FRY: variants seen among roughly 807,000 people sequenced by gnomAD.
FRY encodes the protein protein furry homolog.
FRY carries 128 observed loss-of-function variants against 348.4 expected under a neutral mutation model. The observed-to-expected ratio is 0.37, with a 90% CI of 0.32 to 0.43. FRY has a LOEUF of 0.43. Among genes scored for constraint, FRY ranks in the 20% least tolerant of loss-of-function variants. The pLI is 1.00. For missense variants in FRY, 2,736 were observed against 3,695.2 expected (o/e 0.74, Z 6.73); for synonymous variants, 1,370 against 1,374.7 (o/e 1.00, Z 0.08).
At position 32,152,663 on chromosome 13, in the gene FRY, A is replaced by G. The variant is rs115536630; in HGVS notation, c.1480-2828A>G. 6.2e-3 allele frequency among the ~76,000 whole-genome samples: 944 copies of G among 152,304 alleles called. 9 individuals are homozygous for G. The highest frequency in any genetic ancestry group is 0.021 in the African/African-American group (890 of 41,584). On this transcript the variant is annotated intron_variant, in intron 14 of 60. Coordinates refer to ENST00000542859, the MANE Select transcript of FRY (RefSeq NM_023037.3). ...ATCATAAACCTAAAGGTAAAATCTG[A>G]TACTATAAATCTTCCAGAAGAAAAG... is the stretch of plus-strand genomic sequence containing the variant.
Position 32,184,790 on chromosome 13 carries a change from T to C in FRY, c.3146+99T>C, listed in dbSNP as rs1459372248. 1.1e-5 allele frequency: 11 copies of C among 992,216 alleles called. No homozygotes were observed. The African/African-American group carries it at 1.6e-4, about 14-fold the overall frequency. 61.5% of individuals were successfully genotyped at this position (992,216 alleles called of 1,614,324 possible). On this transcript the variant is annotated intron_variant, in intron 25 of 60. Transcript: ENST00000542859. The stretch of plus-strand genomic sequence containing the variant: ...TTTGTCTTTTCTTTGTTTTTAAATA[T>C]AATACCCTTAACTTAGAAAAATCCA...
intron 3 of FRY, among the ~76,000 whole-genome samples, chr13:32,105,742 G>A (rs1176486721): frequency 1.3e-5 from 2 of 152,082 alleles, no homozygotes; most frequent in Non-Finnish European, 2.9e-5. Flanking sequence ...TATGCTAAGT[G>A]CATCCTTTGA....
intron 59 of FRY, among the ~76,000 whole-genome samples, chr13:32,291,051 G>C (rs2138651707): frequency 6.6e-6 from 1 of 152,118 alleles, no homozygotes; most frequent in Non-Finnish European, 1.5e-5. Context: ...GTGAGGTCAG[G>C]GGAGAGATCT....
intron 11 of FRY, among the ~76,000 whole-genome samples, chr13:32,140,542 T>C (rs1368353483): frequency 6.6e-6 from 1 of 152,094 alleles, no homozygotes; most frequent in Non-Finnish European, 1.5e-5. Context: ...CTCTTAGACC[T>C]TGTAATTTAG....
chr13:32,127,593 C>T (rs544447), intron 7 of FRY, among the ~76,000 whole-genome samples: 149,494 of 152,224 alleles, frequency 0.98, 73,463 homozygotes, highest in East Asian at 1. Flanking sequence ...CTGGCTAACA[C>T]GTTGAAACCC....
intron 11 of FRY, among the ~76,000 whole-genome samples, chr13:32,141,416 C>A (rs1329403090): frequency 1.3e-5 from 2 of 152,324 alleles, no homozygotes; most frequent in African/African-American, 4.8e-5. Context: ...ACTTAGATGG[C>A]TTTCTCTTTG....
intron 2 of FRY, among the ~76,000 whole-genome samples, chr13:32,090,394 A>T (rs900977716): frequency 6.8e-6 from 1 of 147,960 alleles, no homozygotes; most frequent in Admixed American, 6.8e-5. Context: ...CCAGAGGTGG[A>T]TGTGTGGTCA....
intron 13 of FRY, 130 bp from the exon 14 acceptor site, chr13:32,149,618 C>A: frequency 2.9e-6 from 2 of 687,116 alleles, no homozygotes; most frequent in South Asian, 3.2e-5. Flanking sequence ...CTCTGCAAGC[C>A]ACAAAACTGA....
At chr13:32,199,025 A>G (rs570526200) in intron 29 of FRY, among the ~76,000 whole-genome samples, 1 of 152,338 alleles carries the variant, frequency 6.6e-6, no homozygotes, top group Non-Finnish European at 1.5e-5. Flanking sequence ...TGCGTGTCAA[A>G]AGTTGGATTT....
chr13:32,098,774 G>T (rs1437499105), intron 2 of FRY, among the ~76,000 whole-genome samples: 1 of 152,046 alleles, frequency 6.6e-6, no homozygotes, highest in Non-Finnish European at 1.5e-5. Flanking sequence ...TGAACCCTCA[G>T]TCACTGTTGA....
intron 2 of FRY, among the ~76,000 whole-genome samples, chr13:32,088,311 T>G (rs1201484707): frequency 5.9e-5 from 9 of 152,246 alleles, no homozygotes; most frequent in African/African-American, 2.2e-4. Flanking sequence ...AAAACATTGC[T>G]GGTCAGATAG....
chr13:32,296,361 A>G lies in FRY; in HGVS notation c.*901A>G, dbSNP rs911477109. On this transcript the variant is annotated 3_prime_UTR_variant, in exon 61 of 61. Coordinates refer to ENST00000542859, the MANE Select transcript of FRY (RefSeq NM_023037.3). ...TGTTTGGATAGTCAGAAGTAGAATCATAAAGGTAAAATATGAGTTGTTACT... is the reference window on the plus strand; with the variant it reads ...TGTTTGGATAGTCAGAAGTAGAATCGTAAAGGTAAAATATGAGTTGTTACT... 2 of 152,666 alleles carry G rather than the reference A, an allele frequency of 1.3e-5. No individual in the cohort carries two copies. The highest frequency in any genetic ancestry group is 4.8e-5 in the African/African-American group (2 of 41,456). 9.5% of individuals were successfully genotyped at this position (152,666 alleles called of 1,614,324 possible).
intron 15 of FRY, among the ~76,000 whole-genome samples, chr13:32,156,601 CAAAAA>C (rs60522324): frequency 0.14 from 15,341 of 112,306 alleles, 842 homozygotes; most frequent in East Asian, 0.28. Flanking sequence ...AGCTCCATCT[CAAAAA>C]AAAAAAAAAA....
intron 50 of FRY, among the ~76,000 whole-genome samples, chr13:32,252,319 C>G (rs866514348): frequency 6.6e-6 from 1 of 152,030 alleles, no homozygotes; most frequent in African/African-American, 2.4e-5. Flanking sequence ...TATAATTTTA[C>G]TCTCTGTACA....
intron 14 of FRY, among the ~76,000 whole-genome samples, chr13:32,153,117 C>G (rs1880903568): frequency 6.6e-6 from 1 of 152,112 alleles, no homozygotes; most frequent in South Asian, 2.1e-4. Context: ...CAAAAAGGTA[C>G]AACCACTTTA....
chr13:32,134,784 G>T, intron 8 of FRY, 120 bp from the exon 9 acceptor site: 1 of 773,626 alleles, frequency 1.3e-6, no homozygotes, highest in Admixed American at 1.7e-5. Context: ...AATAGACTAT[G>T]GAATATGCTC....
intron 56 of FRY, among the ~76,000 whole-genome samples, chr13:32,275,920 A>G (rs998535793): frequency 1.3e-5 from 2 of 151,520 alleles, no homozygotes; most frequent in African/African-American, 4.9e-5. Flanking sequence ...GAATCATCAC[A>G]TGCTCAGTAA....
chr13:32,194,173 T>C lies in FRY; in HGVS notation c.3622T>C (p.Leu1208=). The change falls in exon 29 of 61, where the codon TTG becomes CTG. Residue 1208 remains leucine (L), a synonymous_variant. Coordinates refer to ENST00000542859, the MANE Select transcript of FRY (RefSeq NM_023037.3). ...VHQLGCEVVV[L]LLELNPDQIN... ...TCAACTTGGCTGCGAAGTTGTTGTC[T>C]TGCTACTGGAACTTAATCCTGACCA... 1 of 1,614,124 alleles carries C rather than the reference T, an allele frequency of 6.2e-7. No individual in the cohort carries two copies. Among genetic ancestry groups the C allele is most frequent in the Non-Finnish European group, 8.5e-7 (1 of 1,179,944 alleles).
At chr13:32,208,465 A>G (rs764008961) in intron 31 of FRY, among the ~76,000 whole-genome samples, 8 of 152,222 alleles carry the variant, frequency 5.3e-5, no homozygotes, top group Non-Finnish European at 1.2e-4. Context: ...AGGAGCAGAG[A>G]TGTTAAGTAA....
Sources: gnomAD v4.1 joint callset for allele counts (sites outside exome capture counted in the v4.1 genomes callset) on GRCh38, gnomAD v4.1.1 for gene constraint, MANE v1.5 for transcripts, NCBI Gene and HGNC (gene_info 2026-07-23, HGNC 2026-07-21) for gene names.